XXYLT1: variants seen among roughly 807,000 people sequenced by gnomAD.
The protein encoded by XXYLT1 is xyloside xylosyltransferase 1.
Under a neutral mutation model 28.9 loss-of-function variants are expected in XXYLT1, and 20 were observed. The ratio of observed to expected loss-of-function variants is 0.69; its 90% CI spans 0.49 to 1.00. The LOEUF is 1.00. Ranked by LOEUF, XXYLT1 falls within the 50% of genes least tolerant of loss-of-function variation. The pLI is 0.00. For missense variants in XXYLT1, 542 were observed against 560.1 expected (o/e 0.97, Z 0.33); for synonymous variants, 257 against 253.8 (o/e 1.01, Z -0.12).
chr3:195,147,244 C>T (rs1438995009), intron 3 of XXYLT1, among the ~76,000 whole-genome samples: 3 of 152,140 alleles, frequency 2.0e-5, no homozygotes, highest in Non-Finnish European at 4.4e-5. Context: ...GGGACCAATC[C>T]TATGGCTCAC....
chr3:195,089,819 A>C (rs1716029365), intron 3 of XXYLT1, among the ~76,000 whole-genome samples: 1 of 151,654 alleles, frequency 6.6e-6, no homozygotes, highest in Admixed American at 6.6e-5. Context: ...TCAAAATAAA[A>C]GGATGGAGGA....
chr3:195,112,345 C>T (rs368526091), intron 3 of XXYLT1, among the ~76,000 whole-genome samples: 1 of 152,214 alleles, frequency 6.6e-6, no homozygotes, highest in African/African-American at 2.4e-5. Context: ...CTGCTCAGTT[C>T]TGAGGCAACT....
chr3:195,211,730 A>C (rs1723320904), intron 2 of XXYLT1, among the ~76,000 whole-genome samples: 2 of 152,244 alleles, frequency 1.3e-5, no homozygotes, highest in Non-Finnish European at 2.9e-5. Context: ...CCTTCATCAC[A>C]GAAGATGAGC....
intron 3 of XXYLT1, among the ~76,000 whole-genome samples, chr3:195,107,336 T>C (rs1717157039): frequency 6.6e-6 from 1 of 150,778 alleles, no homozygotes; most frequent in African/African-American, 2.4e-5. Flanking sequence ...TAGCCGGGCA[T>C]GGTGGCGGGC....
At chr3:195,070,239 C>T in intron 3 of XXYLT1, 128 bp from the exon 4 acceptor site, 4 of 1,253,772 alleles carry the variant, frequency 3.2e-6, no homozygotes, top group Non-Finnish European at 4.3e-6. Flanking sequence ...ATCCGCATCA[C>T]TACACCAGCA....
Position 195,155,771 on chromosome 3 carries a change from C to T in XXYLT1, c.785+678G>A, listed in dbSNP as rs543600610. On this transcript the variant is annotated intron_variant, in intron 3 of 3. Transcript: ENST00000310380. ...GGTTCCAGTTTGGTTTCGCTCTCGT[C>T]GCATGGAGCCGTTCCCTTTTTTGCT... Among the ~76,000 whole-genome samples, 133 of 152,162 alleles carry T rather than the reference C, an allele frequency of 8.7e-4. 1 individual carries two copies. Among genetic ancestry groups the T allele is most frequent in the African/African-American group, 3.0e-3 (124 of 41,514 alleles).
chr3:195,087,701 A>C (rs1163952154), intron 3 of XXYLT1, among the ~76,000 whole-genome samples: 1 of 152,232 alleles, frequency 6.6e-6, no homozygotes, highest in Non-Finnish European at 1.5e-5. Flanking sequence ...GAATAGGAAC[A>C]GCTCTGGTGT....
intron 2 of XXYLT1, among the ~76,000 whole-genome samples, chr3:195,181,447 C>T (rs560982311): frequency 6.6e-6 from 1 of 152,316 alleles, no homozygotes; most frequent in Non-Finnish European, 1.5e-5. Flanking sequence ...GTGAACACCT[C>T]AAATTCTCTG....
chr3:195,146,514 G>A (rs978120973), intron 3 of XXYLT1, among the ~76,000 whole-genome samples: 2 of 152,192 alleles, frequency 1.3e-5, no homozygotes, highest in Non-Finnish European at 2.9e-5. Flanking sequence ...TCTCTCTACT[G>A]CATAGCCAAA....
At chr3:195,128,251 A>T (rs1355813095) in intron 3 of XXYLT1, among the ~76,000 whole-genome samples, 1 of 152,154 alleles carries the variant, frequency 6.6e-6, no homozygotes, top group Non-Finnish European at 1.5e-5. Flanking sequence ...ACGCCTGCAC[A>T]TCCCTTCCTA....
chr3:195,163,188 T>C (rs1720959319), intron 2 of XXYLT1, among the ~76,000 whole-genome samples: 1 of 152,152 alleles, frequency 6.6e-6, no homozygotes, highest in South Asian at 2.1e-4. Context: ...TTTCTGAAAA[T>C]AATGATACAG....
At position 195,256,353 on chromosome 3, in the gene XXYLT1, G is replaced by A. The variant is rs1355570313; in HGVS notation, c.504+14202C>T. 6.6e-6 allele frequency among the ~76,000 whole-genome samples: 1 copy of A among 152,196 alleles called. No homozygotes were observed. The highest frequency in any genetic ancestry group is 1.5e-5 in the Non-Finnish European group (1 of 68,034). On this transcript the variant is annotated intron_variant, in intron 1 of 3. Coordinates refer to ENST00000310380, the MANE Select transcript of XXYLT1 (RefSeq NM_152531.5). The surrounding 1 kb of genome is among the most constrained non-coding windows in gnomAD (Gnocchi z 4.2). ...TGGTGGCAACTGTGGCTCATTGACG[G>A]TGACGATAAACCTGAGACAGCTCTG...
intron 3 of XXYLT1, among the ~76,000 whole-genome samples, chr3:195,105,423 G>A (rs560183764): frequency 6.6e-6 from 1 of 152,270 alleles, no homozygotes; most frequent in Admixed American, 6.5e-5. Context: ...AAGTTTAAGA[G>A]AAACAGACAT....
rs1027080742 is a variant in XXYLT1, at chr3:195,078,748, A to C, written c.786-8637T>G. On this transcript the variant is annotated intron_variant, in intron 3 of 3. Transcript: ENST00000310380. This position sits in a 1 kb window ranked among gnomAD's most constrained non-coding sequence, Gnocchi z 5.0. ...CCCAGGGCTGCACACAGCCCCCCAC[A>C]CTTCCAGAGCTGTCCTCCCCACCTC... Among the ~76,000 whole-genome samples, 1 of 151,714 alleles carries C rather than the reference A, an allele frequency of 6.6e-6. No homozygotes were observed. Among genetic ancestry groups the C allele is most frequent in the African/African-American group, 2.4e-5 (1 of 41,256 alleles).
intron 2 of XXYLT1, among the ~76,000 whole-genome samples, chr3:195,225,244 C>G (rs1723998886): frequency 6.6e-6 from 1 of 152,214 alleles, no homozygotes; most frequent in South Asian, 2.1e-4. Flanking sequence ...CTCGTCTCCT[C>G]TCTTCTTCAG....
intron 2 of XXYLT1, among the ~76,000 whole-genome samples, chr3:195,218,656 C>T (rs1286934104): frequency 2.0e-5 from 3 of 152,094 alleles, no homozygotes; most frequent in African/African-American, 7.2e-5. Context: ...ATTAAAAAGT[C>T]AGGAAACAAC....
At chr3:195,227,863 A>C (rs1401668781) in intron 1 of XXYLT1, among the ~76,000 whole-genome samples, 1 of 152,202 alleles carries the variant, frequency 6.6e-6, no homozygotes, top group Non-Finnish European at 1.5e-5. Flanking sequence ...CGCGATCCTG[A>C]GTTGGGTTTC....
chr3:195,264,899 TA>T (rs546095587), intron 1 of XXYLT1, among the ~76,000 whole-genome samples: 3 of 151,374 alleles, frequency 2.0e-5, no homozygotes, highest in South Asian at 2.1e-4. Flanking sequence ...ACAAAACAGT[TA>T]AAAAAAATTA....
intron 3 of XXYLT1, among the ~76,000 whole-genome samples, chr3:195,123,307 G>C (rs376309374): frequency 6.6e-6 from 1 of 151,856 alleles, no homozygotes; most frequent in Non-Finnish European, 1.5e-5. Context: ...CCTAAACCCC[G>C]CCATCAGCAT....
Sources: gnomAD v4.1 joint callset for allele counts (sites outside exome capture counted in the v4.1 genomes callset) on GRCh38, gnomAD v4.1.1 for gene constraint, Gnocchi (gnomAD v3.1) non-coding constraint, MANE v1.5 for transcripts, NCBI Gene and HGNC (gene_info 2026-07-23, HGNC 2026-07-21) for gene names.